CALCRL: variants seen among roughly 807,000 people sequenced by gnomAD.
CALCRL encodes calcitonin gene-related peptide type 1 receptor.
A neutral mutation model predicts 60.4 loss-of-function variants in CALCRL; 27 were observed. The observed-to-expected ratio is 0.45, with a 90% CI of 0.33 to 0.62. The LOEUF (loss-of-function observed/expected upper bound fraction) is 0.62, where lower values mean the gene tolerates loss of function less well. CALCRL is among the 20% of genes least tolerant of loss of function. The pLI is 0.03. For missense variants in CALCRL, 424 were observed against 540.7 expected (o/e 0.78, Z 2.14); for synonymous variants, 190 against 182.6 (o/e 1.04, Z -0.33).
At chr2:187,373,461 T>A (rs527874041) in intron 8 of CALCRL, among the ~76,000 whole-genome samples, 8 of 152,334 alleles carry the variant, frequency 5.3e-5, no homozygotes, top group African/African-American at 1.7e-4. Flanking sequence ...TATAAAAATG[T>A]TCATTCAATG....
At chr2:187,371,326 T>G (rs149559374) in intron 8 of CALCRL, among the ~76,000 whole-genome samples, 1,603 of 152,022 alleles carry the variant, frequency 0.011, 20 homozygotes, top group Non-Finnish European at 0.016. Flanking sequence ...AGGACCATAG[T>G]GTATAACAAA....
chr2:187,436,687 G>A (rs1251018830), intron 1 of CALCRL: 1 of 152,138 alleles, frequency 6.6e-6, no homozygotes, highest in Non-Finnish European at 1.5e-5. Flanking sequence ...AACTGAAAAT[G>A]GTACCCACTG....
At chr2:187,409,705 A>G (rs1689273987) in intron 1 of CALCRL, among the ~76,000 whole-genome samples, 1 of 152,326 alleles carries the variant, frequency 6.6e-6, no homozygotes, top group Non-Finnish European at 1.5e-5. Flanking sequence ...CAAATTCAAA[A>G]TGACAAGATA....
At chr2:187,438,087 A>G (rs1317198630) in intron 1 of CALCRL, among the ~76,000 whole-genome samples, 2 of 152,204 alleles carry the variant, frequency 1.3e-5, no homozygotes. Context: ...TAAATGAATA[A>G]TTAGAATTCT....
intron 1 of CALCRL, among the ~76,000 whole-genome samples, chr2:187,403,406 G>A (rs1249899796): frequency 6.6e-6 from 1 of 151,850 alleles, no homozygotes. Flanking sequence ...TTTCTGCACA[G>A]TTCTGTAGAT....
intron 8 of CALCRL, among the ~76,000 whole-genome samples, chr2:187,371,766 A>C (rs1687536885): frequency 1.3e-5 from 2 of 152,066 alleles, no homozygotes; most frequent in African/African-American, 4.8e-5. Flanking sequence ...AATCGTGCAC[A>C]ATTTTCAGAG....
intron 8 of CALCRL, among the ~76,000 whole-genome samples, chr2:187,371,234 T>G (rs1687504092): frequency 6.7e-6 from 1 of 149,058 alleles, no homozygotes; most frequent in South Asian, 2.1e-4. Context: ...AGAGCGAGAC[T>G]CCGTCTAAAA....
At chr2:187,425,606 G>A (rs531491767) in intron 1 of CALCRL, among the ~76,000 whole-genome samples, 1 of 151,954 alleles carries the variant, frequency 6.6e-6, no homozygotes, top group East Asian at 1.9e-4. Flanking sequence ...GAAAAGCATG[G>A]CATTATAACT....
At chr2:187,359,654 A>T (rs2105724312) in intron 10 of CALCRL, among the ~76,000 whole-genome samples, 1 of 152,228 alleles carries the variant, frequency 6.6e-6, no homozygotes, top group Non-Finnish European at 1.5e-5. Flanking sequence ...TGTGGAAAAA[A>T]GTTGAGAATC....
intron 5 of CALCRL, among the ~76,000 whole-genome samples, chr2:187,382,382 CTTTACAAAGATATTCCTATTGTTCAACAA>C (rs1688019226): frequency 6.6e-6 from 1 of 152,104 alleles, no homozygotes. Flanking sequence ...TATTATGAAA[CTTTACAAAGATATTCCTATTGTTCAACAA>C]TTAAATTTAA....
At chr2:187,385,171 A>C (rs1211599331) in intron 4 of CALCRL, among the ~76,000 whole-genome samples, 2 of 152,244 alleles carry the variant, frequency 1.3e-5, no homozygotes, top group African/African-American at 4.8e-5. Context: ...GAACGGGAGA[A>C]ACATCAATGA....
At chr2:187,412,653 G>C (rs115044693) in intron 1 of CALCRL, among the ~76,000 whole-genome samples, 1,694 of 152,226 alleles carry the variant, frequency 0.011, 38 homozygotes, top group African/African-American at 0.039. Flanking sequence ...GCCTCTGCTT[G>C]ACATACTATT....
intron 14 of CALCRL, among the ~76,000 whole-genome samples, chr2:187,347,080 A>G (rs142351653): frequency 8.6e-5 from 13 of 151,944 alleles, no homozygotes; most frequent in African/African-American, 3.1e-4. Flanking sequence ...TGCTGAATAA[A>G]TTTGCAGTTT....
intron 1 of CALCRL, among the ~76,000 whole-genome samples, chr2:187,388,397 A>G (rs1157301364): frequency 3.3e-5 from 5 of 152,082 alleles, no homozygotes; most frequent in African/African-American, 1.2e-4. Context: ...ATTAATGATA[A>G]TTTACTAGGA....
At chr2:187,367,965 C>A (rs112978400) in intron 8 of CALCRL, among the ~76,000 whole-genome samples, 1 of 151,900 alleles carries the variant, frequency 6.6e-6, no homozygotes, top group Non-Finnish European at 1.5e-5. Flanking sequence ...GTAATGAAAC[C>A]GTGTCTTTCA....
chr2:187,376,027 T>G (rs987061015), intron 8 of CALCRL, among the ~76,000 whole-genome samples: 4 of 152,172 alleles, frequency 2.6e-5, no homozygotes, highest in Non-Finnish European at 5.9e-5. Context: ...TTCCCTGATA[T>G]GGAGATTATA....
intron 9 of CALCRL, among the ~76,000 whole-genome samples, chr2:187,362,607 C>A (rs1189997197): frequency 6.6e-6 from 1 of 151,222 alleles, no homozygotes; most frequent in Non-Finnish European, 1.5e-5. Flanking sequence ...AGTAAATATC[C>A]CATAAACATT....
At chr2:187,359,808 G>A (rs916772357) in intron 10 of CALCRL, among the ~76,000 whole-genome samples, 2 of 151,972 alleles carry the variant, frequency 1.3e-5, no homozygotes. Context: ...ATGTAATTAA[G>A]CAATGCTTTA....
intron 1 of CALCRL, among the ~76,000 whole-genome samples, chr2:187,407,352 T>A (rs1377721218): frequency 6.6e-6 from 1 of 152,098 alleles, no homozygotes; most frequent in Admixed American, 6.6e-5. Flanking sequence ...GAATAAAGAC[T>A]GGTTAAGATA....
Sources: allele counts gnomAD v4.1 joint callset (sites outside exome capture counted in the v4.1 genomes callset), GRCh38; gene constraint gnomAD v4.1.1; transcripts MANE v1.5; gene names NCBI Gene and HGNC (gene_info 2026-07-23, HGNC 2026-07-21).